The following PIK3R1 variants were observed in gnomAD, a reference collection of about 807,000 sequenced individuals.
The protein encoded by PIK3R1 is phosphoinositide-3-kinase regulatory subunit 1.
In PIK3R1, 29 loss-of-function variants were observed where a neutral mutation model predicts 98.0. The observed-to-expected ratio is 0.30, with a 90% CI of 0.22 to 0.40. The LOEUF (loss-of-function observed/expected upper bound fraction) is 0.40, where lower values mean the gene tolerates loss of function less well. PIK3R1 is among the 10% of genes least tolerant of loss of function. The pLI, the probability that PIK3R1 is intolerant of heterozygous loss-of-function variation, is 1.00. For synonymous variants in PIK3R1, 282 were observed against 311.8 expected (o/e 0.90, Z 1.01); for missense variants, 596 against 872.7 (o/e 0.68, Z 3.99).
intron 7 of PIK3R1, among the ~76,000 whole-genome samples, chr5:68,287,191 A>G (rs1429036304): frequency 6.6e-6 from 1 of 152,244 alleles, no homozygotes; most frequent in Non-Finnish European, 1.5e-5. Context: ...TTCAAAGGGA[A>G]TGAAATGTTT....
At chr5:68,276,116 CT>C (rs1215091588) in intron 4 of PIK3R1, among the ~76,000 whole-genome samples, 1 of 152,112 alleles carries the variant, frequency 6.6e-6, no homozygotes, top group African/African-American at 2.4e-5. Context: ...TGAATTGTTT[CT>C]TTGTCTCATG....
chr5:68,227,012 CAGTATT>C lies in PIK3R1; in HGVS notation c.334+4_334+9del, dbSNP rs1219959578. 1.2e-6 allele frequency: 2 copies of C among 1,605,708 alleles called. No homozygotes were observed. Among genetic ancestry groups the C allele is most frequent in the Admixed American group, 3.4e-5 (2 of 58,446 alleles). ...TGAAGCAGATGTTGAACAACAAGGT[CAGTATT>C]GATAAGTGGTTGCTTAATGACTCCC... is the stretch of plus-strand genomic sequence containing the variant. On this transcript the variant is annotated splice_donor_5th_base_variant and intron_variant, in intron 2 of 15. Transcript: ENST00000521381.
intron 2 of PIK3R1, among the ~76,000 whole-genome samples, chr5:68,228,520 C>T (rs1205705662): frequency 6.6e-6 from 1 of 152,188 alleles, no homozygotes; most frequent in African/African-American, 2.4e-5. Flanking sequence ...ACTCTCCGCA[C>T]ATACATAAGT....
In PIK3R1 at chr5:68,301,818, T is replaced by G. The variant is rs1173370596; in HGVS notation, c.*4217T>G. On this transcript the variant is annotated 3_prime_UTR_variant, in exon 16 of 16. Transcript: ENST00000521381. ...AACAGAATAAAGGTTGTTTTGAAAC[T>G]GAAGTTTTGGGTTGAAATTTCACTT... The G allele has an allele frequency of 6.0e-6, 1 of 167,904 alleles. No individual in the cohort carries two copies. The highest frequency in any genetic ancestry group is 6.4e-5 in the Admixed American group (1 of 15,612). The allele number at this position is 167,904 out of a possible 1,614,324, so 10.4% of individuals were successfully genotyped here.
In PIK3R1 at chr5:68,226,834, T is replaced by A; in HGVS notation, c.159T>A (p.Ile53=). The change falls in exon 2 of 16, where the codon ATT becomes ATA. Residue 53 remains isoleucine, a synonymous_variant. Transcript: ENST00000521381. ...GACAGGAAGCCAGGCCTGAAGAAAT[T>A]GGCTGGTTAAATGGCTATAATGAAA... The part of the protein sequence containing the change: ...SDGQEARPEE[I]GWLNGYNETT... 6.2e-7 allele frequency: 1 copy of A among 1,614,074 alleles called. No homozygotes were observed. The highest frequency in any genetic ancestry group is 8.5e-7 in the Non-Finnish European group (1 of 1,179,998).
intron 2 of PIK3R1, among the ~76,000 whole-genome samples, chr5:68,251,133 TTCAACTATCTGAAGAGATTCTTCAAGG>T (rs1350869686): frequency 6.6e-6 from 1 of 152,200 alleles, no homozygotes; most frequent in Non-Finnish European, 1.5e-5. Context: ...AGGATCCTAC[TTCAACTATCTGAAGAGATTCTTCAAGG>T]TGGAGGATAC....
chr5:68,267,163 G>A (rs1222948014), intron 2 of PIK3R1, among the ~76,000 whole-genome samples: 2 of 152,178 alleles, frequency 1.3e-5, no homozygotes, highest in East Asian at 1.9e-4. Context: ...ACCGTAAATT[G>A]TAATCTTAGA....
chr5:68,269,740 C>A (rs147743164), intron 2 of PIK3R1, among the ~76,000 whole-genome samples: 1 of 152,074 alleles, frequency 6.6e-6, no homozygotes, highest in Admixed American at 6.5e-5. Flanking sequence ...GCTAATTGAT[C>A]CTATTGTTGG....
At chr5:68,247,258 A>G (rs1187150378) in intron 2 of PIK3R1, among the ~76,000 whole-genome samples, 1 of 152,222 alleles carries the variant, frequency 6.6e-6, no homozygotes, top group Non-Finnish European at 1.5e-5. Flanking sequence ...ATAGAATTCC[A>G]TTTTAATAGA....
intron 2 of PIK3R1, among the ~76,000 whole-genome samples, chr5:68,256,760 TG>T (rs1015722429): frequency 3.7e-4 from 56 of 150,510 alleles, no homozygotes; most frequent in African/African-American, 1.3e-3. Context: ...AATGCCAAGC[TG>T]GGTTAAAAAA....
At chr5:68,274,437 A>G (rs950766379) in intron 4 of PIK3R1, among the ~76,000 whole-genome samples, 3 of 151,996 alleles carry the variant, frequency 2.0e-5, no homozygotes, top group Non-Finnish European at 4.4e-5. Context: ...TTTTTCTTTT[A>G]TTACCTTTCC....
At chr5:68,282,350 G>A (rs1421791459) in intron 7 of PIK3R1, among the ~76,000 whole-genome samples, 1 of 152,120 alleles carries the variant, frequency 6.6e-6, no homozygotes, top group East Asian at 1.9e-4. Flanking sequence ...TGTGGCACAT[G>A]GCACTTAAGT....
intron 2 of PIK3R1, among the ~76,000 whole-genome samples, chr5:68,262,412 GCA>G (rs558738731): frequency 2.5e-4 from 28 of 109,884 alleles, no homozygotes; most frequent in Admixed American, 8.5e-4. Context: ...ATACACACAC[GCA>G]CACACACACA....
rs969385622 is a variant in PIK3R1, at chr5:68,298,669, A to G, written c.*1068A>G. On this transcript the variant is annotated 3_prime_UTR_variant, in exon 16 of 16. Coordinates refer to ENST00000521381, the MANE Select transcript of PIK3R1 (RefSeq NM_181523.3). ...GTTAGCCCAAGGTTAAAAAGTTCAT[A>G]ACAGATTTTTTTTGGACTGTTTTGT... is the stretch of plus-strand genomic sequence containing the variant. 2 of 233,230 alleles carry G rather than the reference A, an allele frequency of 8.6e-6. No individual in the cohort carries two copies. The highest frequency in any genetic ancestry group is 4.4e-5 in the African/African-American group (2 of 45,330). The allele number at this position is 233,230 out of a possible 1,614,324, so 14.4% of individuals were successfully genotyped here.
chr5:68,299,717 T>C lies in PIK3R1; in HGVS notation c.*2116T>C. On this transcript the variant is annotated 3_prime_UTR_variant, in exon 16 of 16. Transcript: ENST00000521381. ...TTTCTGTTACTTTGTTTTTTAATGT[T>C]GTTCCTTTTGAAAGAATCAGTCTTG... 1 of 233,166 alleles carries C rather than the reference T, an allele frequency of 4.3e-6. No homozygotes were observed. The highest frequency in any genetic ancestry group is 8.5e-6 in the Non-Finnish European group (1 of 117,982). The allele number at this position is 233,166 out of a possible 1,614,324, so 14.4% of individuals were successfully genotyped here. A position where few individuals can be genotyped will look rare whatever the true frequency, so the allele number is the denominator to read the frequency against.
chr5:68,298,619 T>C lies in PIK3R1; in HGVS notation c.*1018T>C, dbSNP rs138547786. On this transcript the variant is annotated 3_prime_UTR_variant, in exon 16 of 16. Transcript: ENST00000521381. ...ATTAAAACTATGAAATATTTTACAG[T>C]TTTTCTTGTACAGAGTACTTGGCTG... 1.5e-3 allele frequency: 339 copies of C among 233,160 alleles called. 2 individuals carry two copies. Among genetic ancestry groups the C allele is most frequent in the African/African-American group, 6.8e-3 (311 of 45,410 alleles). The allele number at this position is 233,160 out of a possible 1,614,324, so 14.4% of individuals were successfully genotyped here.
At chr5:68,273,825 A>T in intron 3 of PIK3R1, 114 bp from the exon 4 acceptor site, 1 of 793,492 alleles carries the variant, frequency 1.3e-6, no homozygotes. Context: ...AATATTTGGT[A>T]CACATCTAGA....
intron 1 of PIK3R1, among the ~76,000 whole-genome samples, chr5:68,220,476 G>A (rs563660297): frequency 2.0e-5 from 3 of 152,230 alleles, no homozygotes; most frequent in South Asian, 2.1e-4. Context: ...CCCAGCCTCC[G>A]CGTAATGGCT....
At chr5:68,290,803 CTT>C in intron 7 of PIK3R1, 3 of 1,612,784 alleles carry the variant, frequency 1.9e-6, no homozygotes, top group Non-Finnish European at 1.7e-6. Context: ...GTGGCACAGA[CTT>C]GATGTTTTAT....
Sources: gnomAD v4.1 joint callset for allele counts (sites outside exome capture counted in the v4.1 genomes callset) on GRCh38, gnomAD v4.1.1 for gene constraint, MANE v1.5 for transcripts, NCBI Gene and HGNC (gene_info 2026-07-23, HGNC 2026-07-21) for gene names.